Variants in ERI1 observed in about 807,000 individuals in gnomAD.
ERI1 encodes 3'-5' exoribonuclease 1.
A neutral mutation model predicts 39.7 loss-of-function variants in ERI1; 39 were observed. That is an observed-to-expected ratio of 0.98 (90% confidence interval 0.76 to 1.28). The LOEUF (loss-of-function observed/expected upper bound fraction) is 1.28. Ranked by LOEUF, ERI1 falls within the 50% of genes most tolerant of loss-of-function variation. ERI1 has a pLI of 0.00. For missense variants in ERI1, 581 were observed against 416.9 expected (o/e 1.39, Z -3.43); for synonymous variants, 204 against 149.6 (o/e 1.36, Z -2.65).
downstream of ERI1, among the ~76,000 whole-genome samples, chr8:9,035,426 A>T (rs1797811556): frequency 6.6e-6 from 1 of 152,174 alleles, no homozygotes; most frequent in African/African-American, 2.4e-5. Flanking sequence ...CATTCTGAAA[A>T]TCCTAGGGCC....
chr8:9,060,963 A>G (rs1798674807), intron 3 of ERI1, among the ~76,000 whole-genome samples: 2 of 152,256 alleles, frequency 1.3e-5, no homozygotes, highest in Admixed American at 1.3e-4. Context: ...TTCAGCCTGT[A>G]TAACAGCATG....
intron 6 of ERI1, among the ~76,000 whole-genome samples, chr8:9,026,611 A>AGT (rs1797180141): frequency 6.6e-6 from 1 of 152,204 alleles, no homozygotes; most frequent in Non-Finnish European, 1.5e-5. Context: ...TTACGGGCTG[A>AGT]GTATACCTAA....
chr8:9,004,419 C>G (rs1033809625), intron 1 of ERI1: 5 of 397,902 alleles, frequency 1.3e-5, no homozygotes, highest in Admixed American at 1.1e-4. Context: ...GGTCTCTGTT[C>G]CAAATTGGCT....
intron 3 of ERI1, among the ~76,000 whole-genome samples, chr8:9,051,810 C>T (rs927664537): frequency 6.6e-6 from 1 of 152,230 alleles, no homozygotes; most frequent in Admixed American, 6.5e-5. Flanking sequence ...TGAATGATCA[C>T]TTCCTTTTCT....
rs556702690 is a variant in ERI1 at position 9,007,935 on chromosome 8, C to CT, written c.109-6dup. ...GTTTGTACTAATTATAAACTACATC[C>CT]TTTTTTTTTTTTTTTTTTTTTTTTT... On this transcript the variant is annotated intron_variant, in intron 1 of 6. Transcript: ENST00000250263. The CT allele has an allele frequency of 7.6e-4, 741 of 968,768 alleles. 9 individuals carry two copies. Among genetic ancestry groups the CT allele is most frequent in the East Asian group, 2.1e-3 (46 of 22,012 alleles). 60.0% of individuals were successfully genotyped at this position (968,768 alleles called of 1,614,324 possible). A position where few individuals can be genotyped will look rare whatever the true frequency, so the allele number is the denominator to read the frequency against.
chr8:9,091,347 C>T (rs552366217), intron 3 of ERI1: 1 of 152,038 alleles, frequency 6.6e-6, no homozygotes, highest in East Asian at 1.9e-4. Flanking sequence ...ATGGTGAAAC[C>T]CTGTCTCTAC....
chr8:9,037,135 A>G (rs1053496210), downstream of ERI1, among the ~76,000 whole-genome samples: 2 of 152,220 alleles, frequency 1.3e-5, no homozygotes, highest in Non-Finnish European at 2.9e-5. Flanking sequence ...CACTGATCTC[A>G]GAAACCTTCA....
chr8:9,054,175 T>G (rs1228916284), intron 3 of ERI1, among the ~76,000 whole-genome samples: 1 of 152,210 alleles, frequency 6.6e-6, no homozygotes, highest in Non-Finnish European at 1.5e-5. Context: ...TGATATAAAT[T>G]GTAGTGGGAA....
intron 3 of ERI1, among the ~76,000 whole-genome samples, chr8:9,039,501 A>G (rs2117341290): frequency 6.6e-6 from 1 of 152,328 alleles, no homozygotes; most frequent in Non-Finnish European, 1.5e-5. Flanking sequence ...GTAAATGATT[A>G]GTGAAAACAG....
intron 3 of ERI1, among the ~76,000 whole-genome samples, chr8:9,066,647 T>A (rs1218078570): frequency 2.6e-5 from 4 of 152,316 alleles, no homozygotes; most frequent in African/African-American, 9.6e-5. Flanking sequence ...TGAGTGCCGG[T>A]CATTGTTTTT....
At chr8:9,021,768 T>G (rs1208973872) in intron 6 of ERI1, among the ~76,000 whole-genome samples, 1 of 82,084 alleles carries the variant, frequency 1.2e-5, no homozygotes, top group Non-Finnish European at 3.1e-5. Flanking sequence ...ATTATTTGTT[T>G]TTTTTGTTTT....
chr8:9,009,485 T>G (rs956558060), intron 2 of ERI1, among the ~76,000 whole-genome samples: 2 of 152,258 alleles, frequency 1.3e-5, no homozygotes, highest in African/African-American at 4.8e-5. Context: ...TTGCCTTTTC[T>G]TCACCTGTTG....
At chr8:9,087,964 C>T (rs1799583029) in intron 3 of ERI1, among the ~76,000 whole-genome samples, 1 of 152,174 alleles carries the variant, frequency 6.6e-6, no homozygotes, top group African/African-American at 2.4e-5. Context: ...AAACTGGGTC[C>T]AGTTGATCAT....
At chr8:9,029,694 TA>T (rs1399924582) in intron 6 of ERI1, 97 bp from the exon 7 acceptor site, 1 of 1,401,088 alleles carries the variant, frequency 7.1e-7, no homozygotes, top group Non-Finnish European at 9.9e-7. Context: ...ATTTAGCTGT[TA>T]GTGCTAATTT....
chr8:9,029,447 G>A (rs1465013536), intron 6 of ERI1, among the ~76,000 whole-genome samples: 1 of 152,230 alleles, frequency 6.6e-6, no homozygotes. Context: ...TCCTGCCTCA[G>A]CCTCCCAGGT....
intron 2 of ERI1, 95 bp downstream of exon 2, chr8:9,008,243 T>A: frequency 9.2e-7 from 1 of 1,084,144 alleles, no homozygotes; most frequent in Non-Finnish European, 1.3e-6. Flanking sequence ...TCTGTAATCC[T>A]ACCGTAATGA....
intron 3 of ERI1, among the ~76,000 whole-genome samples, chr8:9,060,353 A>C (rs1461351873): frequency 2.6e-5 from 4 of 151,446 alleles, no homozygotes; most frequent in African/African-American, 9.7e-5. Flanking sequence ...GAGATATTTT[A>C]GTTTTCTGAC....
At chr8:9,004,231 C>T (rs750018671) in intron 1 of ERI1, 156 of 1,247,908 alleles carry the variant, frequency 1.3e-4, no homozygotes, top group Non-Finnish European at 1.6e-4. Flanking sequence ...CATCCCTTCT[C>T]TTGTAAAGAA....
chr8:9,052,645 C>T (rs1798396073), intron 3 of ERI1, among the ~76,000 whole-genome samples: 1 of 152,190 alleles, frequency 6.6e-6, no homozygotes, highest in Non-Finnish European at 1.5e-5. Flanking sequence ...CTTCAGGATA[C>T]ATTTAGGGAA....
Sources: allele counts gnomAD v4.1 joint callset (sites outside exome capture counted in the v4.1 genomes callset), GRCh38; gene constraint gnomAD v4.1.1; transcripts MANE v1.5; gene names NCBI Gene and HGNC (gene_info 2026-07-23, HGNC 2026-07-21).